Variants in SYT8 observed in about 807,000 individuals in gnomAD.
SYT8 encodes synaptotagmin 8, also known as synaptotagmin-8.
Under a neutral mutation model 34.9 loss-of-function variants are expected in SYT8, and 50 were observed. The ratio of observed to expected loss-of-function variants is 1.43; its 90% confidence interval spans 1.14 to 1.81. SYT8 has a LOEUF of 1.81. Among genes scored for constraint, SYT8 ranks in the 40% most tolerant of loss-of-function variants. The pLI, the probability that SYT8 is intolerant of heterozygous loss-of-function variation, is 0.00. For missense variants in SYT8, 595 were observed against 529.0 expected, an observed-to-expected ratio of 1.12 and a Z score of -1.22; for synonymous variants, 255 against 234.2, an observed-to-expected ratio of 1.09 and a Z score of -0.81.
At chr11:1,834,936 C>A (rs769017871), upstream of SYT8, 17 of 677,164 alleles carry the variant, frequency 2.5e-5, no homozygotes, top group Non-Finnish European at 4.2e-5. This position sits in a 1 kb window ranked among gnomAD's most constrained non-coding sequence, Gnocchi z 4.5. Flanking sequence ...CTTCAGCTTC[C>A]TGCTGCACAG....
At chr11:1,835,559 A>G (rs746498730) in intron 2 of SYT8, 100 bp downstream of exon 2, 3 of 1,400,124 alleles carry the variant, frequency 2.1e-6, no homozygotes, top group Non-Finnish European at 3.0e-6. Flanking sequence ...GGATGGTTTA[A>G]CCCCCACAGA....
intron 2 of SYT8, 182 bp from the exon 3 acceptor site, chr11:1,835,704 T>C (rs952618603): frequency 2.7e-6 from 2 of 739,060 alleles, no homozygotes; most frequent in Non-Finnish European, 4.5e-6. Context: ...GTACCCCAGA[T>C]GCCACGTTTT....
rs1846892425 is a variant in SYT8 at position 1,835,947 on chromosome 11, T to C, written c.320T>C (p.Leu107Pro). 1 of 1,608,040 alleles carries C rather than the reference T, an allele frequency of 6.2e-7. No homozygotes were observed. Among genetic ancestry groups the C allele is most frequent in the Non-Finnish European group, 8.5e-7 (1 of 1,178,450 alleles). The change falls in exon 3 of 8, where the codon CTG (leucine) becomes CCG (proline). Residue 107 changes from leucine (L) to proline (P), a missense_variant. By Grantham distance (98) the Leu-to-Pro change is moderately conservative. Transcript: ENST00000341958. ...SPGDAQQWGC[L>P]QLSLEFDFGS... ...GGGGATGCTCAGCAATGGGGGTGCC[T>C]GCAGCTCTCCCTGGAGTTCGACTTT...
chr11:1,833,052 G>T (rs577174369), upstream of SYT8, among the ~76,000 whole-genome samples: 1 of 152,330 alleles, frequency 6.6e-6, no homozygotes, highest in African/African-American at 2.4e-5. Context: ...ATGTATACAG[G>T]CTCTGACATT....
At position 1,837,010 on chromosome 11, in the gene SYT8, AAGAC is replaced by A. The variant is rs769882131; in HGVS notation, c.847_850del (p.Thr283ProfsTer45). ...GAACCAGAGGAAGTGGAAGAAGAGA[AAGAC>A]AGCCACCAAAAAGGGCACGGCGGCC... On this transcript the variant is annotated frameshift_variant, in exon 7 of 8. Transcript: ENST00000341958. LOFTEE classifies it high-confidence loss of function. 2 of 1,613,834 alleles carry A rather than the reference AAGAC, an allele frequency of 1.2e-6. No individual in the cohort carries two copies. The highest frequency in any genetic ancestry group is 1.7e-6 in the Non-Finnish European group (2 of 1,180,014).
At position 1,835,330 on chromosome 11, in the gene SYT8, C is replaced by T. The variant is rs148449264; in HGVS notation, c.129C>T (p.Ala43=). 1.1e-4 allele frequency: 177 copies of T among 1,602,072 alleles called. No homozygotes were observed. Among genetic ancestry groups the T allele is most frequent in the Non-Finnish European group, 1.4e-4 (170 of 1,174,922 alleles). The change falls in exon 2 of 8, where the codon GCC becomes GCT. Residue 43 remains alanine, a synonymous_variant. Transcript: ENST00000341958. ...PRWALIAGAL[A]AGVLLVSCLL... ...GGGCTCTCATTGCCGGCGCCCTTGC[C>T]GCGGGCGTCCTCCTCGTCTCCTGCC...
rs371293668 is a variant in SYT8 at position 1,836,113 on chromosome 11, C to T, written c.358-13C>T. 2.4e-4 allele frequency: 356 copies of T among 1,506,440 alleles called. 1 individual carries two copies. The highest frequency in any genetic ancestry group is 3.0e-4 in the Non-Finnish European group (341 of 1,127,636). 93.3% of individuals were successfully genotyped at this position (1,506,440 alleles called of 1,614,324 possible). A position where few individuals can be genotyped will look rare whatever the true frequency, so the allele number is the denominator to read the frequency against. ...CAGGGGCCCTTGGCTGAGCCCACCC[C>T]GCTGGCTCCCAGATCAGGGTGGGCC... On this transcript the variant is annotated splice_polypyrimidine_tract_variant and intron_variant, in intron 3 of 7. Transcript: ENST00000341958.
Position 1,837,063 on chromosome 11 carries a change from C to T in SYT8, c.897C>T (p.Thr299=), listed in dbSNP as rs1846985434. The stretch of plus-strand genomic sequence containing the variant: ...CCCCCTACTTCAATGAGGCCTTCAC[C>T]TTCCTGGTGCCCTTCAGCCAGGTCC... ...TAAPYFNEAF[T]FLVPFSQVQN... The change falls in exon 7 of 8, where the codon ACC becomes ACT. Residue 299 remains threonine (T), a synonymous_variant. Transcript: ENST00000341958. 1 of 1,613,818 alleles carries T rather than the reference C, an allele frequency of 6.2e-7. No individual in the cohort carries two copies.
At chr11:1,832,428 C>G (rs1193727024), upstream of SYT8, among the ~76,000 whole-genome samples, 1 of 152,280 alleles carries the variant, frequency 6.6e-6, no homozygotes, top group South Asian at 2.1e-4. Context: ...GAAGGTTTTC[C>G]CAGCAGGGCC....
At chr11:1,833,470 G>A (rs1016103641), upstream of SYT8, among the ~76,000 whole-genome samples, 4 of 152,350 alleles carry the variant, frequency 2.6e-5, no homozygotes, top group Non-Finnish European at 2.9e-5. Flanking sequence ...TGCGCACAGG[G>A]TGCAGCCTGG....
Position 1,836,256 on chromosome 11 carries a change from C to T in SYT8, c.488C>T (p.Pro163Leu). The T allele has an allele frequency of 6.4e-7, 1 of 1,571,778 alleles. No individual in the cohort carries two copies. Among genetic ancestry groups the T allele is most frequent in the Non-Finnish European group, 8.6e-7 (1 of 1,161,894 alleles). Reference sequence around the variant, plus strand: ...AAAGTGCACCGAGGCACGCTCTGCCCCGTGTTTGACGAGACCTGCTGCTTC... The same window carrying T: ...AAAGTGCACCGAGGCACGCTCTGCCTCGTGTTTGACGAGACCTGCTGCTTC... ...ETKVHRGTLC[P>L]VFDETCCFHI... is the part of the protein sequence containing the mutation. Residue 163 changes from proline to leucine, a missense_variant, in exon 4 of 8, where the codon CCC becomes CTC. By Grantham distance (98) the Pro-to-Leu change is moderately conservative. Transcript: ENST00000341958.
At chr11:1,832,864 G>A (rs1846720230), upstream of SYT8, among the ~76,000 whole-genome samples, 1 of 151,044 alleles carries the variant, frequency 6.6e-6, no homozygotes, top group East Asian at 2.0e-4. Context: ...CTCCCCGCCC[G>A]GCCCTGACTG....
In SYT8 at chr11:1,835,329, C is replaced by T; in HGVS notation, c.128C>T (p.Ala43Val). 6.2e-7 allele frequency: 1 copy of T among 1,600,932 alleles called. No homozygotes were observed. Among genetic ancestry groups the T allele is most frequent in the Non-Finnish European group, 8.5e-7 (1 of 1,174,034 alleles). ...PRWALIAGAL[A>V]AGVLLVSCLL... ...TGGGCTCTCATTGCCGGCGCCCTTG[C>T]CGCGGGCGTCCTCCTCGTCTCCTGC... The change falls in exon 2 of 8, where the codon GCC (alanine) becomes GTC (valine). Residue 43 changes from alanine (A) to valine (V), a missense_variant. Coordinates refer to ENST00000341958, the MANE Select transcript of SYT8 (RefSeq NM_001394072.1).
chr11:1,834,551 T>G (rs1260400145), upstream of SYT8: 2 of 1,568,680 alleles, frequency 1.3e-6, no homozygotes, highest in East Asian at 4.7e-5. The surrounding 1 kb of genome is among the most constrained non-coding windows in gnomAD (Gnocchi z 4.5). Context: ...GGCTTCCAAG[T>G]TCCTGGGGGC....
At chr11:1,832,181 C>G (rs115142664), upstream of SYT8, among the ~76,000 whole-genome samples, 95 of 152,270 alleles carry the variant, frequency 6.2e-4, no homozygotes, top group African/African-American at 2.3e-3. Flanking sequence ...CTGGGGTGAC[C>G]AGGGAGGGTT....
At chr11:1,835,516 G>A in intron 2 of SYT8, 57 bp downstream of exon 2, 1 of 1,593,294 alleles carries the variant, frequency 6.3e-7, no homozygotes, top group South Asian at 1.1e-5. Context: ...CCAGGCTCCA[G>A]AGCCCAGGGC....
Position 1,836,938 on chromosome 11 carries a change from G to T in SYT8, c.791-19G>T, listed in dbSNP as rs375630776. The stretch of plus-strand genomic sequence containing the variant: ...GCCCCGAGCCCTGGGATGCCCCTTC[G>T]GCAACCTTGCCCTCCCAGAGCCCTA... On this transcript the variant is annotated intron_variant, in intron 6 of 7. Coordinates refer to ENST00000341958, the MANE Select transcript of SYT8 (RefSeq NM_001394072.1). 1 of 1,613,020 alleles carries T rather than the reference G, an allele frequency of 6.2e-7. No homozygotes were observed. The highest frequency in any genetic ancestry group is 8.5e-7 in the Non-Finnish European group (1 of 1,179,750).
chr11:1,836,557 C>T lies in SYT8; in HGVS notation c.649C>T (p.His217Tyr). The change falls in exon 5 of 8, where the codon CAC becomes TAC. Residue 217 changes from histidine to tyrosine, a missense_variant. His to Tyr is a moderately conservative substitution (Grantham distance 83). Coordinates refer to ENST00000341958, the MANE Select transcript of SYT8 (RefSeq NM_001394072.1). ...CGTGGATCTGCAGCATGTTCTGGAG[C>T]ACTGGTACCTGCTGGGCCCGCCGGC... ...GTVDLQHVLE[H>Y]WYLLGPPAAT... 6.2e-7 allele frequency: 1 copy of T among 1,612,478 alleles called. No individual in the cohort carries two copies. The highest frequency in any genetic ancestry group is 8.5e-7 in the Non-Finnish European group (1 of 1,179,828).
chr11:1,837,391 A>G lies in SYT8; in HGVS notation c.1124A>G (p.Gln375Arg). Reference protein sequence around the residue: ...AREVDRMLALQPRLRLRLPLP... With the variant: ...AREVDRMLALRPRLRLRLPLP... ...GAGGTGGACCGCATGCTGGCCCTGC[A>G]GCCCCGCCTTCGCCTGCGCCTGCCC... Residue 375 changes from glutamine to arginine, a missense_variant, in exon 8 of 8, where the codon CAG becomes CGG. By Grantham distance (43) the Gln-to-Arg change is conservative. Transcript: ENST00000341958. The G allele has an allele frequency of 1.2e-6, 2 of 1,603,866 alleles. No homozygotes were observed. Among genetic ancestry groups the G allele is most frequent in the Non-Finnish European group, 8.5e-7 (1 of 1,179,466 alleles).
Sources: allele counts gnomAD v4.1 joint callset (sites outside exome capture counted in the v4.1 genomes callset), GRCh38; gene constraint gnomAD v4.1.1; non-coding constraint Gnocchi (gnomAD v3.1); transcripts MANE v1.5; gene names NCBI Gene and HGNC (gene_info 2026-07-23, HGNC 2026-07-21).